The following RBPMS variants were observed in gnomAD, a reference collection of about 807,000 sequenced individuals.
The protein encoded by RBPMS is RNA-binding protein with multiple splicing.
RBPMS carries 7 observed loss-of-function variants against 26.8 expected under a neutral mutation model. The observed-to-expected ratio is 0.26, with a 90% CI of 0.15 to 0.49. RBPMS has a LOEUF of 0.49. Ranked by LOEUF, RBPMS falls within the 20% of genes least tolerant of loss-of-function variation. The pLI, the probability that RBPMS is intolerant of heterozygous loss-of-function variation, is 0.98. For missense variants in RBPMS, 186 were observed against 250.0 expected, an observed-to-expected ratio of 0.74 and a Z score of 1.73; for synonymous variants, 96 against 93.3, an observed-to-expected ratio of 1.03 and a Z score of -0.17.
chr8:30,409,957 G>A (rs1447812252), intron 1 of RBPMS, among the ~76,000 whole-genome samples: 1 of 151,972 alleles, frequency 6.6e-6, no homozygotes, highest in Admixed American at 6.6e-5. Flanking sequence ...ATGTGTCTAC[G>A]TGTATTCATT....
At position 30,387,598 on chromosome 8, in the gene RBPMS, T is replaced by C. The variant is rs575818817; in HGVS notation, c.66+2440T>C. Among the ~76,000 whole-genome samples, 7 of 152,264 alleles carry C rather than the reference T, an allele frequency of 4.6e-5. No individual in the cohort carries two copies. In the South Asian group the frequency reaches 8.3e-4, roughly 18 times the overall value. ...AACACACACATACAACATAGATATA[T>C]ACACGTAATGACGAGAGGAAAAATG... On this transcript the variant is annotated intron_variant, in intron 1 of 8. Transcript: ENST00000397323.
intron 4 of RBPMS, among the ~76,000 whole-genome samples, chr8:30,481,285 GT>G (rs1818242725): frequency 1.3e-5 from 2 of 151,882 alleles, no homozygotes; most frequent in African/African-American, 4.8e-5. Flanking sequence ...TTGCTTGTTT[GT>G]TTTTGTTTTT....
At chr8:30,411,091 TA>T (rs1018984547) in intron 1 of RBPMS, among the ~76,000 whole-genome samples, 4 of 152,288 alleles carry the variant, frequency 2.6e-5, no homozygotes, top group African/African-American at 9.6e-5. Context: ...CTCCAGACTG[TA>T]AAGATCTCTG....
chr8:30,473,707 A>C (rs1318605355), intron 1 of RBPMS, among the ~76,000 whole-genome samples: 1 of 152,212 alleles, frequency 6.6e-6, no homozygotes, highest in Non-Finnish European at 1.5e-5. Context: ...ATGTCCATCA[A>C]TGATAGACTA....
intron 1 of RBPMS, among the ~76,000 whole-genome samples, chr8:30,472,558 T>A (rs1455195162): frequency 6.6e-6 from 1 of 152,222 alleles, no homozygotes; most frequent in Non-Finnish European, 1.5e-5. Flanking sequence ...TTTCAAGATG[T>A]GTAGTTTATT....
intron 1 of RBPMS, among the ~76,000 whole-genome samples, chr8:30,448,940 C>T (rs1401483384): frequency 6.6e-6 from 1 of 152,200 alleles, no homozygotes; most frequent in Non-Finnish European, 1.5e-5. Flanking sequence ...TGCTGTCTTT[C>T]GTTTAACTGC....
intron 5 of RBPMS, among the ~76,000 whole-genome samples, chr8:30,532,383 C>T (rs532607839): frequency 6.6e-6 from 1 of 152,256 alleles, no homozygotes; most frequent in East Asian, 1.9e-4. Flanking sequence ...TATTCCTTAC[C>T]TTTTTTCCTA....
intron 4 of RBPMS, among the ~76,000 whole-genome samples, chr8:30,494,005 G>C (rs1819667343): frequency 1.3e-5 from 2 of 152,156 alleles, no homozygotes; most frequent in African/African-American, 4.8e-5. Context: ...TGGGGTGGAT[G>C]GTCAAGTCAG....
At chr8:30,504,598 AATCTTGTTTGTGATTGGCTTCCCAAAAG>A (rs1183637656) in intron 5 of RBPMS, among the ~76,000 whole-genome samples, 162 bp downstream of exon 5, 5 of 152,318 alleles carry the variant, frequency 3.3e-5, no homozygotes, top group African/African-American at 1.2e-4. Flanking sequence ...CAAATACAGC[AATCTTGTTTGTGATTGGCTTCCCAAAAG>A]ATGGTTCAGC....
At chr8:30,526,240 C>T (rs888197288) in intron 5 of RBPMS, among the ~76,000 whole-genome samples, 1 of 152,204 alleles carries the variant, frequency 6.6e-6, no homozygotes, top group Non-Finnish European at 1.5e-5. Flanking sequence ...ATCATGTATT[C>T]GCTTTGCCTT....
chr8:30,554,667 C>G (rs577845507), intron 6 of RBPMS, among the ~76,000 whole-genome samples: 7 of 152,286 alleles, frequency 4.6e-5, no homozygotes, highest in Non-Finnish European at 7.4e-5. Flanking sequence ...GGATGCCTCT[C>G]CCAGAGTTTT....
intron 5 of RBPMS, among the ~76,000 whole-genome samples, chr8:30,513,481 C>G (rs543550945): frequency 1.6e-3 from 244 of 148,748 alleles, no homozygotes; most frequent in Non-Finnish European, 1.8e-3. Flanking sequence ...CCCAGCTACT[C>G]GGGAGGCTGA....
intron 4 of RBPMS, among the ~76,000 whole-genome samples, chr8:30,484,658 T>C (rs1216970168): frequency 6.6e-6 from 1 of 152,192 alleles, no homozygotes; most frequent in Non-Finnish European, 1.5e-5. Flanking sequence ...AAAATTTTGA[T>C]TCAATAGTAT....
chr8:30,543,711 C>T (rs1825623457), intron 5 of RBPMS, among the ~76,000 whole-genome samples: 1 of 152,066 alleles, frequency 6.6e-6, no homozygotes, highest in African/African-American at 2.4e-5. Context: ...GAGGCCCAGG[C>T]ACTTGCCCTT....
intron 5 of RBPMS, among the ~76,000 whole-genome samples, chr8:30,511,484 AAAATATATATATATAT>A (rs1269749805): frequency 0.016 from 101 of 6,142 alleles, 1 homozygote; most frequent in Admixed American, 0.043. Flanking sequence ...AAAAAAAAAA[AAAATATATATATATAT>A]ATATATATAT....
chr8:30,438,770 CT>C (rs5890518), intron 1 of RBPMS, among the ~76,000 whole-genome samples: 62,542 of 151,474 alleles, frequency 0.41, 14,786 homozygotes, highest in African/African-American at 0.65. Flanking sequence ...TGCGATCTTA[CT>C]TTTTTTTTAT....
intron 5 of RBPMS, among the ~76,000 whole-genome samples, chr8:30,513,978 C>G (rs1474678665): frequency 6.6e-6 from 1 of 152,124 alleles, no homozygotes; most frequent in Admixed American, 6.5e-5. Context: ...GTACATGAGG[C>G]CTATATTATT....
intron 1 of RBPMS, among the ~76,000 whole-genome samples, chr8:30,459,908 CTT>C (rs1282215235): frequency 2.0e-5 from 3 of 152,098 alleles, no homozygotes; most frequent in Non-Finnish European, 4.4e-5. Context: ...CATTTGTTGT[CTT>C]TTGTTGTTTC....
intron 4 of RBPMS, among the ~76,000 whole-genome samples, chr8:30,497,869 G>T (rs533749340): frequency 6.6e-6 from 1 of 151,692 alleles, no homozygotes; most frequent in African/African-American, 2.4e-5. Flanking sequence ...TGATCTGCCC[G>T]CCTCGGCCTC....
Sources: allele counts gnomAD v4.1 joint callset (sites outside exome capture counted in the v4.1 genomes callset), GRCh38; gene constraint gnomAD v4.1.1; transcripts MANE v1.5; gene names NCBI Gene and HGNC (gene_info 2026-07-23, HGNC 2026-07-21).